Variants in FOSL2 observed in about 807,000 individuals in gnomAD.
FOSL2 encodes FOS like 2, AP-1 transcription factor subunit.
A neutral mutation model predicts 27.7 loss-of-function variants in FOSL2; 3 were observed. The ratio of observed to expected loss-of-function variants is 0.11; its 90% CI spans 0.05 to 0.28. The LOEUF (loss-of-function observed/expected upper bound fraction) is 0.28. FOSL2 is among the 10% of genes least tolerant of loss of function. The probability of loss-of-function intolerance (pLI) is 1.00; values close to 1 mark genes in which losing one functional copy is unlikely to be tolerated. For missense variants in FOSL2, 333 were observed against 445.1 expected, an observed-to-expected ratio of 0.75 and a Z score of 2.27; for synonymous variants, 179 against 190.1, an observed-to-expected ratio of 0.94 and a Z score of 0.48.
At position 28,404,247 on chromosome 2, in the gene FOSL2, C is replaced by G; in HGVS notation, c.243C>G (p.Pro81=). Residue 81 remains proline, a synonymous_variant, in exon 2 of 4, where the codon CCC becomes CCG. Transcript: ENST00000264716. The surrounding 1 kb of genome is among the most constrained non-coding windows in gnomAD (Gnocchi z 4.7). Reference sequence around the variant, plus strand: ...CCAACCCATACCCTCGCTCGCACCCCTACAGCCCCCTGCCGGGCCTGGCCT... The same window carrying G: ...CCAACCCATACCCTCGCTCGCACCCGTACAGCCCCCTGCCGGGCCTGGCCT... The part of the protein sequence containing the change: ...SMSNPYPRSH[P]YSPLPGLASV... The G allele has an allele frequency of 1.9e-6, 3 of 1,614,222 alleles. No homozygotes were observed. The highest frequency in any genetic ancestry group is 2.5e-6 in the Non-Finnish European group (3 of 1,180,042).
intron 3 of FOSL2, among the ~76,000 whole-genome samples, chr2:28,409,615 C>T (rs1054363422): frequency 3.3e-5 from 5 of 152,122 alleles, no homozygotes; most frequent in East Asian, 1.9e-4. Flanking sequence ...GAGGAAGCCC[C>T]GAGCCAGGGT....
chr2:28,414,131 G>C lies in FOSL2; in HGVS notation c.*1683G>C, dbSNP rs189987815. 1.6e-5 allele frequency: 5 copies of C among 316,804 alleles called. No homozygotes were observed. In the East Asian group the frequency reaches 2.4e-4, roughly 15 times the overall value. 19.6% of individuals were successfully genotyped at this position (316,804 alleles called of 1,614,324 possible). On this transcript the variant is annotated 3_prime_UTR_variant, in exon 4 of 4. Transcript: ENST00000264716. ...GCTCTGCAAAGACTCTGCTGCTGGG[G>C]ATTCAGCTCTAGAGGTCACAGTATC...
chr2:28,404,227 C>G lies in FOSL2; in HGVS notation c.223C>G (p.Pro75Ala), dbSNP rs1442022816. 108 of 1,614,086 alleles carry G rather than the reference C, an allele frequency of 6.7e-5. No homozygotes were observed. The Admixed American group carries it at 1.7e-3, about 26-fold the overall frequency. The change falls in exon 2 of 4, where the codon CCA becomes GCA. Residue 75 changes from proline (P) to alanine (A), a missense_variant. Physicochemically the swap from Pro to Ala is conservative, Grantham distance 27. This residue lies in a region of FOSL2 where 131 missense variants were observed against 157.9 expected (regional missense o/e 0.83). Transcript: ENST00000264716. This position sits in a 1 kb window ranked among gnomAD's most constrained non-coding sequence, Gnocchi z 4.7. Reference sequence around the variant, plus strand: ...CACAGTGATCACCTCCATGTCCAACCCATACCCTCGCTCGCACCCCTACAG... The same window carrying G: ...CACAGTGATCACCTCCATGTCCAACGCATACCCTCGCTCGCACCCCTACAG... The part of the protein sequence containing the change: ...QPTVITSMSN[P>A]YPRSHPYSPL...
chr2:28,393,924 A>G lies in FOSL2; in HGVS notation c.102+102A>G. 1 of 835,106 alleles carries G rather than the reference A, an allele frequency of 1.2e-6. No homozygotes were observed. Among genetic ancestry groups the G allele is most frequent in the South Asian group, 1.7e-5 (1 of 57,974 alleles). The allele number at this position is 835,106 out of a possible 1,614,324, so 51.7% of individuals were successfully genotyped here. ...TTCTTTTCTTTTTCTTGGCGAGAAA[A>G]TACCTACGGGCCACCGTTGTAAGTT... On this transcript the variant is annotated intron_variant, in intron 1 of 3. Coordinates refer to ENST00000264716, the MANE Select transcript of FOSL2 (RefSeq NM_005253.4). The surrounding 1 kb of genome is among the most constrained non-coding windows in gnomAD (Gnocchi z 4.6).
Position 28,404,100 on chromosome 2 carries a change from A to T in FOSL2, c.103-7A>T, listed in dbSNP as rs1326295806. On this transcript the variant is annotated splice_polypyrimidine_tract_variant and splice_region_variant and intron_variant, in intron 1 of 3. Transcript: ENST00000264716. The surrounding 1 kb of genome is among the most constrained non-coding windows in gnomAD (Gnocchi z 4.7). ...TGGCTCATTTGTATTTTTTTTCCTC[A>T]TTTCAGAAATTCCGGGTAGATATGC... 2 of 1,610,994 alleles carry T rather than the reference A, an allele frequency of 1.2e-6. No homozygotes were observed.
In FOSL2 at chr2:28,416,920, T is replaced by C. The variant is rs1167193613; in HGVS notation, c.*4472T>C. On this transcript the variant is annotated 3_prime_UTR_variant, in exon 4 of 4. Coordinates refer to ENST00000264716, the MANE Select transcript of FOSL2 (RefSeq NM_005253.4). The stretch of plus-strand genomic sequence containing the variant: ...AAGTTGTATATGGTTCATATGGCTC[T>C]ATGGGGAATTTAATTACCTTTCTGG... 6.6e-6 allele frequency: 1 copy of C among 151,658 alleles called. No homozygotes were observed. The highest frequency in any genetic ancestry group is 1.5e-5 in the Non-Finnish European group (1 of 67,960). The allele number at this position is 151,658 out of a possible 1,614,324, so 9.4% of individuals were successfully genotyped here.
rs772255529 is a variant in FOSL2, at chr2:28,416,590, G to A, written c.*4142G>A. 13 of 151,882 alleles carry A rather than the reference G, an allele frequency of 8.6e-5. No individual in the cohort carries two copies. The highest frequency in any genetic ancestry group is 3.9e-4 in the Admixed American group (6 of 15,238). The allele number at this position is 151,882 out of a possible 1,614,324, so 9.4% of individuals were successfully genotyped here. Reference sequence around the variant, plus strand: ...GTGGATTTTCATTCCTCTGGGGACAGTGGTCGCCAAGACATCTACATTGTA... The same window carrying A: ...GTGGATTTTCATTCCTCTGGGGACAATGGTCGCCAAGACATCTACATTGTA... On this transcript the variant is annotated 3_prime_UTR_variant, in exon 4 of 4. Coordinates refer to ENST00000264716, the MANE Select transcript of FOSL2 (RefSeq NM_005253.4).
rs745354892 is a variant in FOSL2 at position 28,412,212 on chromosome 2, A to G, written c.745A>G (p.Ile249Val). Residue 249 changes from isoleucine to valine, a missense_variant, in exon 4 of 4, where the codon ATC becomes GTC. Ile to Val is a conservative substitution (Grantham distance 29, BLOSUM62 3). Coordinates refer to ENST00000264716, the MANE Select transcript of FOSL2 (RefSeq NM_005253.4). The surrounding 1 kb of genome is among the most constrained non-coding windows in gnomAD (Gnocchi z 7.1). Reference protein sequence around the residue: ...DKAQRSVIKPISIAGGFYGEE... With the variant: ...DKAQRSVIKPVSIAGGFYGEE... ...GGCCCAGCGCTCTGTCATCAAGCCC[A>G]TCAGCATTGCTGGGGGCTTCTACGG... is the stretch of plus-strand genomic sequence containing the variant. The G allele has an allele frequency of 6.2e-7, 1 of 1,613,478 alleles. No individual in the cohort carries two copies. The highest frequency in any genetic ancestry group is 8.5e-7 in the Non-Finnish European group (1 of 1,179,866).
Position 28,412,159 on chromosome 2 carries a change from C to T in FOSL2, c.692C>T (p.Pro231Leu). The T allele has an allele frequency of 1.2e-6, 2 of 1,607,794 alleles. No individual in the cohort carries two copies. The highest frequency in any genetic ancestry group is 8.5e-7 in the Non-Finnish European group (1 of 1,176,346). Residue 231 changes from proline (P) to leucine (L), a missense_variant, in exon 4 of 4, where the codon CCC (proline) becomes CTC (leucine). Coordinates refer to ENST00000264716, the MANE Select transcript of FOSL2 (RefSeq NM_005253.4). The surrounding 1 kb of genome is among the most constrained non-coding windows in gnomAD (Gnocchi z 7.1). ...CAGGAGCCCCTGGAAGAGGACAGCC[C>T]CTCGTCCTCGTCGGCGGGGCTGGAC... The part of the protein sequence containing the change: ...VKQEPLEEDS[P>L]SSSSAGLDKA...
intron 1 of FOSL2, among the ~76,000 whole-genome samples, chr2:28,397,773 A>G (rs1483976987): frequency 2.6e-5 from 4 of 152,210 alleles, no homozygotes; most frequent in Non-Finnish European, 5.9e-5. Context: ...TGCTGCGGCT[A>G]TGCTTAGACT....
At chr2:28,406,118 C>G (rs1326878864) in intron 2 of FOSL2, among the ~76,000 whole-genome samples, 1 of 150,604 alleles carries the variant, frequency 6.6e-6, no homozygotes, top group East Asian at 2.0e-4. Context: ...TGCAGTGGCA[C>G]GATCTCGGCT....
intron 3 of FOSL2, among the ~76,000 whole-genome samples, chr2:28,411,716 G>T (rs969250776): frequency 6.6e-6 from 1 of 150,464 alleles, no homozygotes; most frequent in Admixed American, 6.6e-5. Context: ...TGCAGTTGTT[G>T]TCTTACCCCC....
At chr2:28,411,301 T>C (rs942482774) in intron 3 of FOSL2, among the ~76,000 whole-genome samples, 4 of 152,190 alleles carry the variant, frequency 2.6e-5, no homozygotes, top group African/African-American at 9.7e-5. Flanking sequence ...CTCCACTCTC[T>C]AGCAGCCTAG....
chr2:28,404,517 G>C lies in FOSL2; in HGVS notation c.354+159G>C, dbSNP rs760267974. 6.6e-6 allele frequency among the ~76,000 whole-genome samples: 1 copy of C among 152,182 alleles called. No homozygotes were observed. Among genetic ancestry groups the C allele is most frequent in the Non-Finnish European group, 1.5e-5 (1 of 68,022 alleles). ...CACGTCATCCCCCTTACTGGAGGCC[G>C]AGCTGGAGAGCCAAGACTCAGGCTG... On this transcript the variant is annotated intron_variant, in intron 2 of 3. Coordinates refer to ENST00000264716, the MANE Select transcript of FOSL2 (RefSeq NM_005253.4). This position sits in a 1 kb window ranked among gnomAD's most constrained non-coding sequence, Gnocchi z 4.7.
At chr2:28,405,279 G>T (rs1664053776) in intron 2 of FOSL2, among the ~76,000 whole-genome samples, 1 of 152,188 alleles carries the variant, frequency 6.6e-6, no homozygotes, top group African/African-American at 2.4e-5. Flanking sequence ...ACATACCTGT[G>T]TGTGGCCACT....
rs1402642572 is a variant in FOSL2, at chr2:28,406,053, T to C, written c.354+1695T>C. Reference sequence around the variant, plus strand: ...GAATGCTCTCCATTCCCTTTTTTTTTTTTTTTTTTTTTTTCTTTTTGAGAT... The same window carrying C: ...GAATGCTCTCCATTCCCTTTTTTTTCTTTTTTTTTTTTTTCTTTTTGAGAT... On this transcript the variant is annotated intron_variant, in intron 2 of 3. Coordinates refer to ENST00000264716, the MANE Select transcript of FOSL2 (RefSeq NM_005253.4). Among the ~76,000 whole-genome samples the C allele has an allele frequency of 1.4e-4, 6 of 42,674 alleles. 1 individual carries two copies. Among genetic ancestry groups the C allele is most frequent in the Admixed American group, 5.9e-4 (4 of 6,754 alleles). The allele number at this position is 42,674 out of a possible 152,430, so 28.0% of individuals were successfully genotyped here.
chr2:28,397,622 T>G (rs1388696243), intron 1 of FOSL2, among the ~76,000 whole-genome samples: 1 of 151,890 alleles, frequency 6.6e-6, no homozygotes, highest in Non-Finnish European at 1.5e-5. Flanking sequence ...TCTGCCTGTC[T>G]TATTATTCAA....
At chr2:28,406,108 T>C (rs890716302) in intron 2 of FOSL2, among the ~76,000 whole-genome samples, 10 of 149,640 alleles carry the variant, frequency 6.7e-5, no homozygotes, top group Non-Finnish European at 8.9e-5. Context: ...CAGGCTAGAA[T>C]GCAGTGGCAC....
chr2:28,400,763 G>T (rs1045529901), intron 1 of FOSL2, among the ~76,000 whole-genome samples: 1 of 152,178 alleles, frequency 6.6e-6, no homozygotes, highest in Non-Finnish European at 1.5e-5. Context: ...GTATACCGGG[G>T]AGCACACACC....
Sources: gnomAD v4.1 joint callset for allele counts (sites outside exome capture counted in the v4.1 genomes callset) on GRCh38, gnomAD v4.1.1 for gene constraint, gnomAD v4.1.1 regional missense constraint, Gnocchi (gnomAD v3.1) non-coding constraint, MANE v1.5 for transcripts, NCBI Gene and HGNC (gene_info 2026-07-23, HGNC 2026-07-21) for gene names.